The following PI4KA variants were observed in gnomAD, a reference collection of about 807,000 sequenced individuals.
PI4KA encodes phosphatidylinositol 4-kinase alpha, also known as PI4-kinase alpha.
PI4KA carries 122 observed loss-of-function variants against 271.4 expected under a neutral mutation model. The observed-to-expected ratio is 0.45, with a 90% CI of 0.39 to 0.52. PI4KA has a LOEUF of 0.52. Among genes scored for constraint, PI4KA ranks in the 20% least tolerant of loss-of-function variants. The pLI is 0.00. For missense variants in PI4KA, 1,969 were observed against 2,769.1 expected, an observed-to-expected ratio of 0.71 and a Z score of 6.48; for synonymous variants, 1,041 against 1,078.8, an observed-to-expected ratio of 0.96 and a Z score of 0.69.
intron 2 of PI4KA, among the ~76,000 whole-genome samples, chr22:20,835,915 G>A (rs901611493): frequency 6.6e-6 from 1 of 151,994 alleles, no homozygotes; most frequent in African/African-American, 2.4e-5. Context: ...AGGCATGGTG[G>A]TGGGCACCTG....
At chr22:20,820,732 A>C in intron 4 of PI4KA, 121 bp from the exon 5 acceptor site, 1 of 678,124 alleles carries the variant, frequency 1.5e-6, no homozygotes. Context: ...TATATGATAC[A>C]TCCCTCCACA....
intron 32 of PI4KA, among the ~76,000 whole-genome samples, chr22:20,740,343 T>C (rs1929278089): frequency 6.6e-6 from 1 of 150,968 alleles, no homozygotes; most frequent in Non-Finnish European, 1.5e-5. Context: ...GTCGATGATC[T>C]ATGGGACAAT....
rs766822032 is a variant in PI4KA, at chr22:20,805,043, G to A, written c.1291C>T (p.Leu431Phe). The change falls in exon 11 of 55, where the codon CTC becomes TTC. Residue 431 changes from leucine to phenylalanine, a missense_variant. Physicochemically the swap from Leu to Phe is conservative, Grantham distance 22. Coordinates refer to ENST00000255882, the MANE Select transcript of PI4KA (RefSeq NM_058004.4). ...ADRIHNELSP[L>F]KLRCQANAAC... ...GCATTCGCCTGACAGCGCAGTTTGA[G>A]GGGGCTCAGCTCATTGTGGATCCGG... 1 of 1,614,142 alleles carries A rather than the reference G, an allele frequency of 6.2e-7. No homozygotes were observed. The highest frequency in any genetic ancestry group is 1.1e-5 in the South Asian group (1 of 91,076).
chr22:20,767,119 G>T (rs552668512), intron 19 of PI4KA, among the ~76,000 whole-genome samples: 1 of 152,224 alleles, frequency 6.6e-6, no homozygotes, highest in East Asian at 1.9e-4. Context: ...ACCTGAAAGG[G>T]ACATTTAAAT....
At chr22:20,833,103 G>T (rs1465937647) in intron 3 of PI4KA, among the ~76,000 whole-genome samples, 1 of 151,986 alleles carries the variant, frequency 6.6e-6, no homozygotes, top group Non-Finnish European at 1.5e-5. Context: ...GTCTTTGGGG[G>T]TTTGATTGGG....
At chr22:20,764,793 G>A (rs1379652107) in intron 22 of PI4KA, 24 bp downstream of exon 22, 1 of 1,593,620 alleles carries the variant, frequency 6.3e-7, no homozygotes, top group Non-Finnish European at 8.6e-7. Flanking sequence ...ATGTGCATGT[G>A]CATGGTGGTG....
chr22:20,823,630 C>G (rs532281227), intron 4 of PI4KA, among the ~76,000 whole-genome samples: 1 of 152,190 alleles, frequency 6.6e-6, no homozygotes, highest in South Asian at 2.1e-4. Context: ...AAGATAAAAG[C>G]TTCAGCTACC....
At chr22:20,711,056 G>C (rs1343725660) in intron 51 of PI4KA, 198 bp from the exon 52 acceptor site, 2 of 601,278 alleles carry the variant, frequency 3.3e-6, no homozygotes, top group Non-Finnish European at 6.0e-6. Flanking sequence ...AGGAAGTGGA[G>C]GAAGGAGCCA....
At chr22:20,857,600 C>A (rs6004638) in intron 1 of PI4KA, among the ~76,000 whole-genome samples, 3,880 of 152,296 alleles carry the variant, frequency 0.025, 163 homozygotes, top group African/African-American at 0.089. Flanking sequence ...TGAGTCTCAT[C>A]GCACACGGGT....
intron 36 of PI4KA, among the ~76,000 whole-genome samples, chr22:20,732,740 T>C (rs1055987344): frequency 2.6e-5 from 4 of 152,032 alleles, no homozygotes; most frequent in Non-Finnish European, 5.9e-5. Context: ...GTGCGGTGAG[T>C]GGAGTCTGCT....
At chr22:20,832,403 C>A (rs144735635) in intron 3 of PI4KA, among the ~76,000 whole-genome samples, 1 of 152,260 alleles carries the variant, frequency 6.6e-6, no homozygotes, top group Non-Finnish European at 1.5e-5. Context: ...GTATGAGCCA[C>A]TGCGCCCAGC....
At chr22:20,799,496 A>G (rs1448004150) in intron 15 of PI4KA, among the ~76,000 whole-genome samples, 175 bp downstream of exon 15, 1 of 152,206 alleles carries the variant, frequency 6.6e-6, no homozygotes, top group Non-Finnish European at 1.5e-5. Flanking sequence ...ACAGTGGTCC[A>G]GGAAGTACAA....
intron 39 of PI4KA, among the ~76,000 whole-genome samples, 171 bp from the exon 40 acceptor site, chr22:20,728,035 A>G (rs1199376152): frequency 6.6e-6 from 1 of 152,224 alleles, no homozygotes; most frequent in Non-Finnish European, 1.5e-5. Context: ...CTGCTATTTG[A>G]TAGCACAACA....
intron 19 of PI4KA, chr22:20,784,325 T>C: frequency 6.3e-7 from 1 of 1,585,196 alleles, no homozygotes; most frequent in East Asian, 2.2e-5. Flanking sequence ...GGATCATTTT[T>C]TTAAAAAGGG....
At chr22:20,787,666 G>C (rs1290301082) in intron 19 of PI4KA, 1 of 163,346 alleles carries the variant, frequency 6.1e-6, no homozygotes, top group Non-Finnish European at 1.4e-5. Context: ...CTGGAGGACA[G>C]TGTGTGCCAT....
At position 20,727,240 on chromosome 22, in the gene PI4KA, G is replaced by A. The variant is rs761560121; in HGVS notation, c.4931C>T (p.Ser1644Phe). 2 of 1,612,416 alleles carry A rather than the reference G, an allele frequency of 1.2e-6. No homozygotes were observed. The highest frequency in any genetic ancestry group is 1.7e-5 in the Admixed American group (1 of 59,606). ...TAQYGVKVLR[S>F]FPPDAILFYI... ...GGGCCCTGGGCTCACCGGAGGGAAG[G>A]ACCGCAGGACTTTCACCCCGTACTG... Residue 1644 changes from serine to phenylalanine, a missense_variant, in exon 41 of 55, where the codon TCC becomes TTC. This residue lies in a region of PI4KA where 388 missense variants were observed against 521.5 expected (regional missense o/e 0.74). Transcript: ENST00000255882.
intron 1 of PI4KA, among the ~76,000 whole-genome samples, chr22:20,843,263 G>A (rs974506372): frequency 1.3e-5 from 2 of 152,188 alleles, no homozygotes; most frequent in Non-Finnish European, 2.9e-5. Context: ...GCTGAGGCAG[G>A]AGGGCTGCTT....
At chr22:20,779,741 C>T in intron 19 of PI4KA, 1 of 1,614,206 alleles carries the variant, frequency 6.2e-7, no homozygotes, top group Non-Finnish European at 8.5e-7. Flanking sequence ...TGCTGAAAGA[C>T]CAGGTCAACA....
At position 20,858,663 on chromosome 22, in the gene PI4KA, G is replaced by T; in HGVS notation, c.63C>A (p.Gly21=). 6.8e-7 allele frequency: 1 copy of T among 1,478,910 alleles called. No individual in the cohort carries two copies. Among genetic ancestry groups the T allele is most frequent in the East Asian group, 2.9e-5 (1 of 34,256 alleles). 91.6% of individuals were successfully genotyped at this position (1,478,910 alleles called of 1,614,324 possible). The change falls in exon 1 of 55, where the codon GGC becomes GGA. Residue 21 remains glycine, a synonymous_variant. Coordinates refer to ENST00000255882, the MANE Select transcript of PI4KA (RefSeq NM_058004.4). ...GGGGGGGGCS[G]SGSSASRGFY... is the part of the protein sequence containing the mutation. The stretch of plus-strand genomic sequence containing the variant: ...AGCCCCGCGAGGCGCTGGAGCCGGA[G>T]CCGGAGCAGCCGCCGCCGCCTCCGC...
Sources: gnomAD v4.1 joint callset for allele counts (sites outside exome capture counted in the v4.1 genomes callset) on GRCh38, gnomAD v4.1.1 for gene constraint, gnomAD v4.1.1 regional missense constraint, MANE v1.5 for transcripts, NCBI Gene and HGNC (gene_info 2026-07-23, HGNC 2026-07-21) for gene names.